The following PNPT1 variants were observed in gnomAD, a reference collection of about 807,000 sequenced individuals.
PNPT1 encodes polyribonucleotide nucleotidyltransferase 1.
PNPT1 carries 53 observed loss-of-function variants against 119.5 expected under a neutral mutation model. That is an observed-to-expected ratio of 0.44 (90% CI 0.36 to 0.56). The LOEUF (loss-of-function observed/expected upper bound fraction) is 0.56, where lower values mean the gene tolerates loss of function less well. Ranked by LOEUF, PNPT1 falls within the 20% of genes least tolerant of loss-of-function variation. PNPT1 has a pLI of 0.00. For synonymous variants in PNPT1, 357 were observed against 322.1 expected, an observed-to-expected ratio of 1.11 and a Z score of -1.16; for missense variants, 948 against 938.5, an observed-to-expected ratio of 1.01 and a Z score of -0.13.
At chr2:55,641,934 C>T (rs534904005) in intron 25 of PNPT1, among the ~76,000 whole-genome samples, 112 of 151,980 alleles carry the variant, frequency 7.4e-4, no homozygotes, top group African/African-American at 2.2e-3. Context: ...CTCTGCCTCC[C>T]GGCTTCAAGC....
chr2:55,662,693 A>C (rs943419593), intron 13 of PNPT1, among the ~76,000 whole-genome samples: 4 of 152,160 alleles, frequency 2.6e-5, no homozygotes, highest in African/African-American at 9.6e-5. Context: ...AGAAAAGAAA[A>C]ATAAATTAAG....
chr2:55,659,655 GTACTT>G (rs1696500379), intron 15 of PNPT1, among the ~76,000 whole-genome samples: 1 of 151,776 alleles, frequency 6.6e-6, no homozygotes, highest in South Asian at 2.1e-4. Flanking sequence ...CTCTAAAGTA[GTACTT>G]TAGAGAGTGC....
chr2:55,684,921 C>T (rs760294085), intron 4 of PNPT1, 22 bp downstream of exon 4: 12 of 1,498,102 alleles, frequency 8.0e-6, no homozygotes, highest in African/African-American at 2.8e-5. Flanking sequence ...AGAAGATGAA[C>T]GCCTCTATGT....
intron 13 of PNPT1, among the ~76,000 whole-genome samples, chr2:55,665,820 A>C (rs765250010): frequency 1.3e-5 from 2 of 152,246 alleles, no homozygotes; most frequent in Non-Finnish European, 2.9e-5. Context: ...GAATTAAAGA[A>C]ACAATTAATG....
Position 55,674,509 on chromosome 2 carries a change from C to T in PNPT1, c.680-1430G>A, listed in dbSNP as rs183315538. Among the ~76,000 whole-genome samples, 44 of 152,296 alleles carry T rather than the reference C, an allele frequency of 2.9e-4. 1 individual carries two copies. Among genetic ancestry groups the T allele is most frequent in the African/African-American group, 1.0e-3 (43 of 41,550 alleles). On this transcript the variant is annotated intron_variant, in intron 8 of 27. Transcript: ENST00000447944. ...TCAGGAGGCTGAGGCATGAGAATCA[C>T]TTGAACCCAGGAGGTGGAGGTTGCA...
Position 55,682,016 on chromosome 2 carries a change from G to A in PNPT1, c.454-1098C>T, listed in dbSNP as rs190478775. Among the ~76,000 whole-genome samples, 631 of 152,198 alleles carry A rather than the reference G, an allele frequency of 4.1e-3. 2 individuals are homozygous for A. Among genetic ancestry groups the A allele is most frequent in the Non-Finnish European group, 6.3e-3 (429 of 68,010 alleles). ...AAATTAGCCAGGCATGTTGGCAGGT[G>A]CCTGTAGTCCCAGCTACTCAGGTGG... On this transcript the variant is annotated intron_variant, in intron 5 of 27. Transcript: ENST00000447944.
At chr2:55,662,050 A>C in intron 13 of PNPT1, 24 bp from the exon 14 acceptor site, 1 of 1,522,622 alleles carries the variant, frequency 6.6e-7, no homozygotes, top group African/African-American at 1.4e-5. Context: ...AGAATTCCTC[A>C]GGCTTTAATA....
In PNPT1 at chr2:55,680,727, A is replaced by G. The variant is rs1354762714; in HGVS notation, c.550T>C (p.Trp184Arg). ...CCTAACTTACCAACAGGTCCATTCCAAGGAATATCTGATAATGAGAGGGCT... is the reference window on the plus strand; with the variant it reads ...CCTAACTTACCAACAGGTCCATTCCGAGGAATATCTGATAATGAGAGGGCT... ...SVALSLSDIP[W>R]NGPVGAVRIG... The change falls in exon 7 of 28, where the codon TGG (tryptophan) becomes CGG (arginine). Residue 184 changes from tryptophan (W) to arginine (R), a missense_variant. Physicochemically the swap from Trp to Arg is moderately radical, Grantham distance 101. Coordinates refer to ENST00000447944, the MANE Select transcript of PNPT1 (RefSeq NM_033109.5). 6.2e-7 allele frequency: 1 copy of G among 1,613,508 alleles called. No individual in the cohort carries two copies. Among genetic ancestry groups the G allele is most frequent in the South Asian group, 1.1e-5 (1 of 90,924 alleles).
intron 12 of PNPT1, 134 bp downstream of exon 12, chr2:55,667,728 T>G: frequency 1.6e-6 from 2 of 1,219,808 alleles, no homozygotes; most frequent in Non-Finnish European, 2.2e-6. Context: ...TAGGTGTCCA[T>G]TTATATAGCA....
intron 11 of PNPT1, among the ~76,000 whole-genome samples, 182 bp downstream of exon 11, chr2:55,671,137 T>C (rs889760333): frequency 4.6e-5 from 7 of 152,136 alleles, no homozygotes; most frequent in Admixed American, 1.3e-4. Context: ...CCACCTGCTA[T>C]GAGAGAGCAT....
At chr2:55,675,601 G>C (rs1252023995) in intron 8 of PNPT1, among the ~76,000 whole-genome samples, 1 of 152,058 alleles carries the variant, frequency 6.6e-6, no homozygotes, top group African/African-American at 2.4e-5. Flanking sequence ...AGGAGGCTGA[G>C]GACATAGGAT....
At chr2:55,688,227 A>T (rs1697477693) in intron 1 of PNPT1, among the ~76,000 whole-genome samples, 1 of 151,798 alleles carries the variant, frequency 6.6e-6, no homozygotes, top group Admixed American at 6.6e-5. Flanking sequence ...TTTTGTATGG[A>T]TGAGTTCTTA....
At chr2:55,677,782 C>A (rs1697124125) in intron 8 of PNPT1, among the ~76,000 whole-genome samples, 1 of 151,734 alleles carries the variant, frequency 6.6e-6, no homozygotes, top group South Asian at 2.1e-4. Flanking sequence ...CTCTGTTGCC[C>A]AGGCTGGAGT....
chr2:55,656,096 T>TTAG (rs1469617429), intron 17 of PNPT1, 35 bp downstream of exon 17: 12 of 1,592,880 alleles, frequency 7.5e-6, no homozygotes, highest in Non-Finnish European at 5.1e-6. Context: ...GAATATGGTC[T>TTAG]TTTCTACTAT....
At position 55,683,923 on chromosome 2, in the gene PNPT1, A is replaced by T. The variant is rs774715799; in HGVS notation, c.404-89T>A. On this transcript the variant is annotated intron_variant, in intron 4 of 27. Transcript: ENST00000447944. ...TTGAACTAATATAGATAGCCATTCAATATGTTTTCAAGAAAAATCCCCTTG... is the reference window on the plus strand; with the variant it reads ...TTGAACTAATATAGATAGCCATTCATTATGTTTTCAAGAAAAATCCCCTTG... 9.4e-6 allele frequency: 12 copies of T among 1,282,400 alleles called. No homozygotes were observed. The Admixed American group carries it at 2.2e-4, about 24-fold the overall frequency. 79.4% of individuals were successfully genotyped at this position (1,282,400 alleles called of 1,614,324 possible).
chr2:55,645,018 T>TC, intron 22 of PNPT1: 1 of 279,090 alleles, frequency 3.6e-6, no homozygotes, highest in East Asian at 7.1e-5. Context: ...CCATGATCAC[T>TC]AAAATTTTTT....
chr2:55,671,414 G>A, intron 10 of PNPT1, 38 bp from the exon 11 acceptor site: 3 of 1,220,916 alleles, frequency 2.5e-6, no homozygotes, highest in Non-Finnish European at 3.4e-6. Context: ...ACATATACAT[G>A]ACAACATTTA....
At position 55,635,606 on chromosome 2, in the gene PNPT1, A is replaced by G. The variant is rs536738776; in HGVS notation, c.*631T>C. The G allele has an allele frequency of 6.6e-6, 1 of 152,376 alleles. No homozygotes were observed. Among genetic ancestry groups the G allele is most frequent in the African/African-American group, 2.4e-5 (1 of 41,588 alleles). 9.4% of individuals were successfully genotyped at this position (152,376 alleles called of 1,614,324 possible). A position where few individuals can be genotyped will look rare whatever the true frequency, so the allele number is the denominator to read the frequency against. ...GTTTAGGTAAATTTGAAAAATATAC[A>G]TCATTACTACCACATTCATCCTAGT... On this transcript the variant is annotated 3_prime_UTR_variant, in exon 28 of 28. Coordinates refer to ENST00000447944, the MANE Select transcript of PNPT1 (RefSeq NM_033109.5).
rs749661207 is a variant in PNPT1, at chr2:55,640,718, A to T, written c.2070-13T>A. On this transcript the variant is annotated splice_polypyrimidine_tract_variant and intron_variant, in intron 25 of 27. Coordinates refer to ENST00000447944, the MANE Select transcript of PNPT1 (RefSeq NM_033109.5). The stretch of plus-strand genomic sequence containing the variant: ...TACACCAGTATCTCTACAAAAAAAT[A>T]AATAGTAAGCCTGGTTAAAATAATA... The T allele has an allele frequency of 2.0e-6, 3 of 1,484,676 alleles. No individual in the cohort carries two copies. Among genetic ancestry groups the T allele is most frequent in the Non-Finnish European group, 2.8e-6 (3 of 1,066,262 alleles). The allele number at this position is 1,484,676 out of a possible 1,614,324, so 92.0% of individuals were successfully genotyped here. A position where few individuals can be genotyped will look rare whatever the true frequency, so the allele number is the denominator to read the frequency against.
Sources: allele counts gnomAD v4.1 joint callset (sites outside exome capture counted in the v4.1 genomes callset), GRCh38; gene constraint gnomAD v4.1.1; transcripts MANE v1.5; gene names NCBI Gene and HGNC (gene_info 2026-07-23, HGNC 2026-07-21).